The following DLGAP1 variants were observed in gnomAD, a reference collection of about 807,000 sequenced individuals.
DLGAP1 encodes DLG associated protein 1.
Under a neutral mutation model 90.8 loss-of-function variants are expected in DLGAP1, and 11 were observed. That is an observed-to-expected ratio of 0.12 (90% CI 0.08 to 0.20). DLGAP1 has a LOEUF of 0.20. Among genes scored for constraint, DLGAP1 ranks in the 10% least tolerant of loss-of-function variants. The pLI is 1.00. For synonymous variants in DLGAP1, 558 were observed against 540.7 expected (o/e 1.03, Z -0.44); for missense variants, 1,050 against 1,333.8 (o/e 0.79, Z 3.31).
At chr18:3,663,570 A>T (rs1476284889) in intron 7 of DLGAP1, among the ~76,000 whole-genome samples, 1 of 152,062 alleles carries the variant, frequency 6.6e-6, no homozygotes, top group Non-Finnish European at 1.5e-5. Flanking sequence ...AAGATTTCCT[A>T]TCTCTTGTAT....
intron 1 of DLGAP1, among the ~76,000 whole-genome samples, chr18:4,320,349 A>C (rs1211721262): frequency 6.6e-6 from 1 of 152,142 alleles, no homozygotes; most frequent in Non-Finnish European, 1.5e-5. Context: ...GGTAAATTGG[A>C]GTTACTTTTT....
At chr18:4,390,747 TG>T (rs2082324463) in intron 1 of DLGAP1, among the ~76,000 whole-genome samples, 1 of 152,238 alleles carries the variant, frequency 6.6e-6, no homozygotes, top group African/African-American at 2.4e-5. Context: ...CATCCACTGA[TG>T]GAAGACATCT....
chr18:3,874,715 T>C lies in DLGAP1; in HGVS notation c.957+4397A>G, dbSNP rs1429096666. ...AATGTCTTCAAATCCATGTTCCTGCTCCCAACCCTAATACAGACAGTCACT... is the reference window on the plus strand; with the variant it reads ...AATGTCTTCAAATCCATGTTCCTGCCCCCAACCCTAATACAGACAGTCACT... On this transcript the variant is annotated intron_variant, in intron 4 of 12. Transcript: ENST00000315677. 7.2e-6 allele frequency: 11 copies of C among 1,533,250 alleles called. No homozygotes were observed. In the East Asian group the frequency reaches 2.0e-4, roughly 27 times the overall value. The allele number at this position is 1,533,250 out of a possible 1,614,324, so 95.0% of individuals were successfully genotyped here.
intron 12 of DLGAP1, chr18:3,502,225 G>C (rs987483286): frequency 1.5e-6 from 2 of 1,327,684 alleles, no homozygotes; most frequent in Admixed American, 3.7e-5. Context: ...GACTAAAATG[G>C]TTTAACTTAA....
intron 8 of DLGAP1, among the ~76,000 whole-genome samples, chr18:3,568,951 G>A (rs956912915): frequency 6.6e-6 from 1 of 151,034 alleles, no homozygotes; most frequent in African/African-American, 2.4e-5. Context: ...CTCCCAAAGT[G>A]CTGGGATTAC....
chr18:3,741,296 CCACCACATCA>C (rs2063016985), intron 6 of DLGAP1, among the ~76,000 whole-genome samples: 2 of 132,708 alleles, frequency 1.5e-5, no homozygotes, highest in African/African-American at 2.9e-5. Context: ...ACCACCACCA[CCACCACATCA>C]CATCACCACC....
intron 7 of DLGAP1, among the ~76,000 whole-genome samples, chr18:3,643,693 G>T (rs1219112031): frequency 6.8e-6 from 1 of 147,590 alleles, no homozygotes; most frequent in African/African-American, 2.5e-5. Context: ...AAATGCTGAA[G>T]GATATGACAT....
At chr18:4,054,659 G>C (rs1171169295) in intron 2 of DLGAP1, among the ~76,000 whole-genome samples, 1 of 152,082 alleles carries the variant, frequency 6.6e-6, no homozygotes, top group Non-Finnish European at 1.5e-5. Context: ...TATACTGAAG[G>C]TACAAGACCC....
At chr18:3,608,323 CAA>C (rs796648071) in intron 7 of DLGAP1, 2 of 116,642 alleles carry the variant, frequency 1.7e-5, no homozygotes, top group Non-Finnish European at 1.9e-5. Flanking sequence ...AACTCCATCT[CAA>C]AAAAAAAAAA....
At chr18:3,919,466 T>C (rs2072218940) in intron 3 of DLGAP1, among the ~76,000 whole-genome samples, 2 of 152,132 alleles carry the variant, frequency 1.3e-5, no homozygotes, top group African/African-American at 4.8e-5. Context: ...ATTTATTGGA[T>C]TGGTAAGAGG....
chr18:4,437,283 T>C (rs2144796065), intron 1 of DLGAP1, among the ~76,000 whole-genome samples: 1 of 152,290 alleles, frequency 6.6e-6, no homozygotes, highest in African/African-American at 2.4e-5. Context: ...GCAGGCATGA[T>C]GTTTTTATCT....
chr18:4,422,090 A>T (rs2083049600), intron 1 of DLGAP1, among the ~76,000 whole-genome samples: 1 of 152,168 alleles, frequency 6.6e-6, no homozygotes, highest in Non-Finnish European at 1.5e-5. Flanking sequence ...GTGAATGTGC[A>T]AGTGTGTTCA....
At chr18:3,552,176 T>G (rs2053514729) in intron 9 of DLGAP1, among the ~76,000 whole-genome samples, 1 of 152,076 alleles carries the variant, frequency 6.6e-6, no homozygotes, top group Non-Finnish European at 1.5e-5. Context: ...GAGGAAGACC[T>G]TGACAACTTC....
At chr18:4,374,666 T>G (rs1350553628) in intron 1 of DLGAP1, among the ~76,000 whole-genome samples, 1 of 152,174 alleles carries the variant, frequency 6.6e-6, no homozygotes, top group African/African-American at 2.4e-5. Flanking sequence ...TTTCAGTGTG[T>G]TCACCAGTAA....
rs756830021 is a variant in DLGAP1, at chr18:3,497,719, C to G, written c.*1466G>C. 1.3e-5 allele frequency: 2 copies of G among 152,144 alleles called. No homozygotes were observed. Among genetic ancestry groups the G allele is most frequent in the African/African-American group, 4.8e-5 (2 of 41,418 alleles). 9.4% of individuals were successfully genotyped at this position (152,144 alleles called of 1,614,324 possible). ...CACATCCTAAGTGTTTAAACTGTGA[C>G]GAGTAAGGGCATTTAAAGACAACTT... On this transcript the variant is annotated 3_prime_UTR_variant, in exon 13 of 13. Transcript: ENST00000315677.
intron 1 of DLGAP1, among the ~76,000 whole-genome samples, chr18:4,356,552 A>G (rs1176683957): frequency 1.3e-5 from 2 of 152,196 alleles, no homozygotes; most frequent in Non-Finnish European, 2.9e-5. Flanking sequence ...TGTCCAATCC[A>G]TCAGAAAATC....
At chr18:4,109,885 G>C (rs1259627978) in intron 2 of DLGAP1, among the ~76,000 whole-genome samples, 1 of 151,358 alleles carries the variant, frequency 6.6e-6, no homozygotes, top group African/African-American at 2.4e-5. Context: ...TTTTTTGTTT[G>C]TTTGTTTATT....
chr18:4,111,083 C>A (rs1475909000), intron 2 of DLGAP1, among the ~76,000 whole-genome samples: 2 of 152,128 alleles, frequency 1.3e-5, no homozygotes. Flanking sequence ...GTGGAGGAAG[C>A]TGCCTTCCAT....
intron 9 of DLGAP1, among the ~76,000 whole-genome samples, chr18:3,535,640 G>A (rs945437130): frequency 1.4e-4 from 22 of 151,736 alleles, no homozygotes; most frequent in African/African-American, 4.1e-4. Flanking sequence ...CCCGGGAGGC[G>A]GAGCTTGCAG....
Sources: allele counts gnomAD v4.1 joint callset (sites outside exome capture counted in the v4.1 genomes callset), GRCh38; gene constraint gnomAD v4.1.1; transcripts MANE v1.5; gene names NCBI Gene and HGNC (gene_info 2026-07-23, HGNC 2026-07-21).